Variants in KCND2 observed in about 807,000 individuals in gnomAD.
KCND2 encodes the protein A-type voltage-gated potassium channel KCND2.
Under a neutral mutation model 54.4 loss-of-function variants are expected in KCND2, and 16 were observed. The ratio of observed to expected loss-of-function variants is 0.29; its 90% CI spans 0.20 to 0.45. KCND2 has a LOEUF of 0.45. Ranked by LOEUF, KCND2 falls within the 20% of genes least tolerant of loss-of-function variation. KCND2 has a pLI of 1.00. For synonymous variants in KCND2, 317 were observed against 310.7 expected (o/e 1.02, Z -0.21); for missense variants, 486 against 824.2 (o/e 0.59, Z 5.02).
chr7:120,539,092 A>G (rs1791947705), intron 1 of KCND2, among the ~76,000 whole-genome samples: 6 of 152,170 alleles, frequency 3.9e-5, no homozygotes, highest in Admixed American at 3.9e-4. Context: ...AAACACATAT[A>G]GACTATATAA....
At chr7:120,285,084 G>C (rs1236223549) in intron 1 of KCND2, among the ~76,000 whole-genome samples, 1 of 152,086 alleles carries the variant, frequency 6.6e-6, no homozygotes, top group Non-Finnish European at 1.5e-5. Flanking sequence ...TTTTTGAGCT[G>C]AGAAATAAAG....
chr7:120,348,613 T>G (rs1800358610), intron 1 of KCND2, among the ~76,000 whole-genome samples: 1 of 152,154 alleles, frequency 6.6e-6, no homozygotes, highest in African/African-American at 2.4e-5. Context: ...TACTCTATGC[T>G]CTATGAAGTC....
At chr7:120,285,531 G>T (rs1169971110) in intron 1 of KCND2, among the ~76,000 whole-genome samples, 1 of 151,830 alleles carries the variant, frequency 6.6e-6, no homozygotes, top group Admixed American at 6.6e-5. Flanking sequence ...TGTGAAATAG[G>T]ACATAAGAAT....
intron 1 of KCND2, among the ~76,000 whole-genome samples, chr7:120,655,053 C>T (rs1343405813): frequency 1.3e-5 from 2 of 150,848 alleles, no homozygotes; most frequent in African/African-American, 4.9e-5. Flanking sequence ...AGAATATCAT[C>T]CACAACCATA....
At chr7:120,702,119 A>T (rs1009701811) in intron 1 of KCND2, among the ~76,000 whole-genome samples, 5 of 152,162 alleles carry the variant, frequency 3.3e-5, no homozygotes, top group African/African-American at 1.2e-4. Context: ...AAAAAAAAAC[A>T]TTAAAAAGTG....
intron 1 of KCND2, among the ~76,000 whole-genome samples, chr7:120,543,227 CT>C (rs1251002733): frequency 1.3e-5 from 2 of 151,446 alleles, no homozygotes; most frequent in Non-Finnish European, 2.9e-5. Context: ...TGGTTTTGCC[CT>C]TTTTTTTCAC....
rs1203309880 is a variant in KCND2 at position 120,748,532 on chromosome 7, C to T, written c.*674C>T. The T allele has an allele frequency of 6.6e-6, 1 of 152,524 alleles. No homozygotes were observed. The highest frequency in any genetic ancestry group is 1.9e-4 in the East Asian group (1 of 5,204). The allele number at this position is 152,524 out of a possible 1,614,324, so 9.4% of individuals were successfully genotyped here. On this transcript the variant is annotated 3_prime_UTR_variant, in exon 6 of 6. Transcript: ENST00000331113. ...CTCATGGGGATGCTCATTAGTAAAT[C>T]TAAAGTGTTCAGATAGTTCAGTATT...
At chr7:120,496,499 A>T (rs2116309748) in intron 1 of KCND2, among the ~76,000 whole-genome samples, 1 of 152,028 alleles carries the variant, frequency 6.6e-6, no homozygotes, top group South Asian at 2.1e-4. Flanking sequence ...ATCTCGGCTC[A>T]CTGTAAGCTC....
intron 1 of KCND2, among the ~76,000 whole-genome samples, chr7:120,538,362 AG>A (rs1167543194): frequency 6.6e-6 from 1 of 152,208 alleles, no homozygotes; most frequent in Admixed American, 6.5e-5. Flanking sequence ...ATAATGAAAA[AG>A]CTTGAAATAT....
chr7:120,662,256 G>A (rs1791875230), intron 1 of KCND2, among the ~76,000 whole-genome samples: 1 of 152,120 alleles, frequency 6.6e-6, no homozygotes, highest in Non-Finnish European at 1.5e-5. Context: ...CTGGTAAAAT[G>A]TGGCCATACA....
At chr7:120,654,105 T>G (rs149635214) in intron 1 of KCND2, among the ~76,000 whole-genome samples, 250 of 152,302 alleles carry the variant, frequency 1.6e-3, no homozygotes, top group African/African-American at 5.8e-3. Context: ...TTTCTATTGT[T>G]TGATTACTGG....
chr7:120,681,604 A>G (rs1792140858), intron 1 of KCND2, among the ~76,000 whole-genome samples: 1 of 152,040 alleles, frequency 6.6e-6, no homozygotes, highest in South Asian at 2.1e-4. Context: ...TGCGGTTTCA[A>G]TAGGAAGTTA....
At chr7:120,599,953 T>A (rs570754604) in intron 1 of KCND2, among the ~76,000 whole-genome samples, 16 of 152,148 alleles carry the variant, frequency 1.1e-4, no homozygotes, top group Non-Finnish European at 1.8e-4. Flanking sequence ...TTTTTCTAGG[T>A]TGAGAAAATT....
chr7:120,684,571 C>T (rs1279642981), intron 1 of KCND2, among the ~76,000 whole-genome samples: 4 of 152,060 alleles, frequency 2.6e-5, no homozygotes, highest in Non-Finnish European at 5.9e-5. Context: ...CTTTGAGTAG[C>T]ATTTGGTAGA....
At chr7:120,579,609 TAAATAAATAAATA>T (rs1251254421) in intron 1 of KCND2, among the ~76,000 whole-genome samples, 2 of 90,444 alleles carry the variant, frequency 2.2e-5, no homozygotes, top group African/African-American at 1.3e-4. Context: ...TAAAAATAAA[TAAATAAATAAATA>T]AATAAATAAA....
chr7:120,495,152 T>C (rs891247117), intron 1 of KCND2, among the ~76,000 whole-genome samples: 2 of 152,170 alleles, frequency 1.3e-5, no homozygotes, highest in African/African-American at 2.4e-5. Flanking sequence ...TCCTAAGCCA[T>C]ACTAACCTGT....
chr7:120,713,560 G>A (rs1200631329), intron 1 of KCND2, among the ~76,000 whole-genome samples: 1 of 152,170 alleles, frequency 6.6e-6, no homozygotes, highest in Non-Finnish European at 1.5e-5. Context: ...GCAATCAGTA[G>A]CAGTAGGCTA....
chr7:120,553,579 G>A (rs182150940), intron 1 of KCND2, among the ~76,000 whole-genome samples: 2 of 152,110 alleles, frequency 1.3e-5, no homozygotes. Flanking sequence ...TCTGTATACT[G>A]TGTATTTCAT....
intron 1 of KCND2, among the ~76,000 whole-genome samples, chr7:120,653,201 A>ATTTT (rs34093547): frequency 3.4e-4 from 47 of 137,776 alleles, no homozygotes; most frequent in African/African-American, 1.1e-3. Flanking sequence ...GCCTGGCTAC[A>ATTTT]TTTTTTTTTT....
Sources: gnomAD v4.1 joint callset for allele counts (sites outside exome capture counted in the v4.1 genomes callset) on GRCh38, gnomAD v4.1.1 for gene constraint, MANE v1.5 for transcripts, NCBI Gene and HGNC (gene_info 2026-07-23, HGNC 2026-07-21) for gene names.